Variants in PPCDC observed in about 807,000 individuals in gnomAD.
PPCDC encodes the protein phosphopantothenoylcysteine decarboxylase.
PPCDC carries 20 observed loss-of-function variants against 20.7 expected under a neutral mutation model. The ratio of observed to expected loss-of-function variants is 0.97; its 90% CI spans 0.68 to 1.41. The LOEUF is 1.41. PPCDC is among the 40% of genes most tolerant of loss of function. PPCDC has a pLI of 0.00. For synonymous variants in PPCDC, 88 were observed against 100.3 expected (o/e 0.88, Z 0.73); for missense variants, 246 against 263.8 (o/e 0.93, Z 0.47).
chr15:75,039,481 TG>T (rs370447128), intron 2 of PPCDC, among the ~76,000 whole-genome samples: 2 of 152,168 alleles, frequency 1.3e-5, no homozygotes, highest in African/African-American at 2.4e-5. Context: ...GAAGAAGACC[TG>T]GGGGGACTTT....
At chr15:75,029,791 C>T (rs374207898) in intron 2 of PPCDC, among the ~76,000 whole-genome samples, 2 of 152,244 alleles carry the variant, frequency 1.3e-5, no homozygotes, top group East Asian at 3.9e-4. Context: ...GCCACCACCC[C>T]CTGGGGAGGG....
rs1240036845 is a variant in PPCDC at position 75,028,375 on chromosome 15, T to C, written c.57T>C (p.His19=). The C allele has an allele frequency of 1.1e-5, 17 of 1,614,174 alleles. No homozygotes were observed. Among genetic ancestry groups the C allele is most frequent in the Non-Finnish European group, 1.1e-5 (13 of 1,180,022 alleles). The change falls in exon 2 of 6, where the codon CAT becomes CAC. Residue 19 remains histidine (H), a synonymous_variant. Transcript: ENST00000342932. ...CACCCTTGATGGAGAGAAAATTCCA[T>C]GTTCTTGTGGGTGTCACGGGGAGTG... ...AAAPLMERKF[H]VLVGVTGSVA... is the part of the protein sequence containing the mutation.
chr15:75,031,443 A>G (rs1485500253), intron 2 of PPCDC, among the ~76,000 whole-genome samples: 2 of 152,062 alleles, frequency 1.3e-5, no homozygotes, highest in Admixed American at 6.6e-5. Context: ...CAAAATTAAC[A>G]GGGCCGGGCG....
At chr15:75,044,749 C>A (rs932436155) in intron 4 of PPCDC, 2 of 497,780 alleles carry the variant, frequency 4.0e-6, no homozygotes, top group African/African-American at 2.0e-5. Flanking sequence ...GGAGTGTCCC[C>A]CTCTCCCCTG....
intron 2 of PPCDC, among the ~76,000 whole-genome samples, chr15:75,042,488 A>C (rs2066164429): frequency 6.6e-6 from 1 of 152,018 alleles, no homozygotes; most frequent in African/African-American, 2.4e-5. Context: ...CCTCGTCTCT[A>C]CTAAAAACAC....
intron 2 of PPCDC, among the ~76,000 whole-genome samples, chr15:75,029,439 GC>G (rs2065995009): frequency 6.6e-6 from 1 of 152,196 alleles, no homozygotes; most frequent in Admixed American, 6.5e-5. Context: ...AGGTGCAGTG[GC>G]CGTATCTGGC....
intron 4 of PPCDC, among the ~76,000 whole-genome samples, chr15:75,047,200 C>T (rs1261647824): frequency 6.6e-6 from 1 of 152,186 alleles, no homozygotes. Context: ...CTGCACACAG[C>T]GGAGCGACTT....
At chr15:75,029,442 G>A (rs1161348286) in intron 2 of PPCDC, among the ~76,000 whole-genome samples, 1 of 152,202 alleles carries the variant, frequency 6.6e-6, no homozygotes, top group African/African-American at 2.4e-5. Context: ...TGCAGTGGCC[G>A]TATCTGGCAT....
chr15:75,038,501 G>C (rs1359369063), intron 2 of PPCDC, among the ~76,000 whole-genome samples: 1 of 152,184 alleles, frequency 6.6e-6, no homozygotes, highest in Non-Finnish European at 1.5e-5. Context: ...ACAGCCTGGC[G>C]CTTGTGGCTT....
At chr15:75,048,778 T>C in intron 5 of PPCDC, 57 bp downstream of exon 5, 2 of 1,572,750 alleles carry the variant, frequency 1.3e-6, no homozygotes, top group Non-Finnish European at 1.7e-6. Flanking sequence ...AGCTTTGGGG[T>C]CATATCTCAG....
At chr15:75,045,752 G>C (rs1304058409) in intron 4 of PPCDC, among the ~76,000 whole-genome samples, 2 of 152,092 alleles carry the variant, frequency 1.3e-5, no homozygotes, top group East Asian at 1.9e-4. Context: ...CATCAAGAAG[G>C]CTTTCCCTAT....
intron 2 of PPCDC, among the ~76,000 whole-genome samples, chr15:75,037,354 C>G (rs748931930): frequency 3.9e-5 from 6 of 152,296 alleles, no homozygotes; most frequent in Non-Finnish European, 7.4e-5. Context: ...TATGGCAAAA[C>G]TCAGGAGGCT....
At chr15:75,042,128 T>C (rs2066160298) in intron 2 of PPCDC, among the ~76,000 whole-genome samples, 1 of 152,208 alleles carries the variant, frequency 6.6e-6, no homozygotes, top group Non-Finnish European at 1.5e-5. Context: ...AAACAGCATG[T>C]CTATAGGCTG....
chr15:75,028,062 T>G, intron 1 of PPCDC, 185 bp from the exon 2 acceptor site: 1 of 493,534 alleles, frequency 2.0e-6, no homozygotes, highest in Non-Finnish European at 3.6e-6. Context: ...ACTGCATCAT[T>G]CCCTTGTGAC....
chr15:75,043,619 G>T (rs2066183676), intron 3 of PPCDC, 83 bp downstream of exon 3: 1 of 1,252,356 alleles, frequency 8.0e-7, no homozygotes, highest in South Asian at 1.3e-5. Context: ...CTATGGTCTG[G>T]CAGCTGGAAC....
chr15:75,031,203 G>T (rs1490776312), intron 2 of PPCDC, among the ~76,000 whole-genome samples: 1 of 152,178 alleles, frequency 6.6e-6, no homozygotes, highest in Non-Finnish European at 1.5e-5. Flanking sequence ...AAAAGGACTA[G>T]GACCCAAAGG....
chr15:75,043,471 G>C lies in PPCDC; in HGVS notation c.166G>C (p.Ala56Pro). ...LEVAVVTTERAKHFYSPQDIP... is the reference protein window; with the variant it reads ...LEVAVVTTERPKHFYSPQDIP... The stretch of plus-strand genomic sequence containing the variant: ...AGTAGCAGTGGTCACAACTGAGAGA[G>C]CCAAACATTTCTACAGCCCCCAGGA... The change falls in exon 3 of 6, where the codon GCC becomes CCC. Residue 56 changes from alanine (A) to proline (P), a missense_variant. By Grantham distance (27) the Ala-to-Pro change is conservative. Transcript: ENST00000342932. 6.2e-7 allele frequency: 1 copy of C among 1,613,176 alleles called. No homozygotes were observed. Among genetic ancestry groups the C allele is most frequent in the Non-Finnish European group, 8.5e-7 (1 of 1,179,588 alleles).
At chr15:75,029,623 C>T (rs1010069691) in intron 2 of PPCDC, among the ~76,000 whole-genome samples, 6 of 152,172 alleles carry the variant, frequency 3.9e-5, no homozygotes, top group Admixed American at 6.5e-5. Flanking sequence ...CCAGGGATGA[C>T]AGCCAGGCCA....
chr15:75,035,561 A>G (rs2141483924), intron 2 of PPCDC, among the ~76,000 whole-genome samples: 1 of 152,356 alleles, frequency 6.6e-6, no homozygotes, highest in East Asian at 1.9e-4. Flanking sequence ...GGTTTCGGGA[A>G]GGAATCTCTA....
Sources: allele counts gnomAD v4.1 joint callset (sites outside exome capture counted in the v4.1 genomes callset), GRCh38; gene constraint gnomAD v4.1.1; transcripts MANE v1.5; gene names NCBI Gene and HGNC (gene_info 2026-07-23, HGNC 2026-07-21).